Variants in NNT observed in about 807,000 individuals in gnomAD.
The protein encoded by NNT is NAD(P) transhydrogenase, mitochondrial.
NNT carries 50 observed loss-of-function variants against 104.8 expected under a neutral mutation model. The ratio of observed to expected loss-of-function variants is 0.48; its 90% confidence interval spans 0.38 to 0.60. The LOEUF (loss-of-function observed/expected upper bound fraction) is 0.60. Among genes scored for constraint, NNT ranks in the 20% least tolerant of loss-of-function variants. The pLI, the probability that NNT is intolerant of heterozygous loss-of-function variation, is 0.00. For missense variants in NNT, 1,131 were observed against 1,330.7 expected, an observed-to-expected ratio of 0.85 and a Z score of 2.33; for synonymous variants, 461 against 490.4, an observed-to-expected ratio of 0.94 and a Z score of 0.79.
In NNT at chr5:43,621,419, G is replaced by GCTT. The variant is rs2111626368; in HGVS notation, c.687+2301_687+2302insTTC. Among the ~76,000 whole-genome samples the GCTT allele has an allele frequency of 2.0e-5, 3 of 152,294 alleles. No homozygotes were observed. In the South Asian group the frequency reaches 6.2e-4, roughly 32 times the overall value. The stretch of plus-strand genomic sequence containing the variant: ...CAGTTGAAGGCTTATGATATGCGAG[G>GCTT]CATTGTTCTAGGAGCTGGGGATATG... On this transcript the variant is annotated intron_variant, in intron 5 of 21. Transcript: ENST00000344920.
intron 20 of NNT, 117 bp downstream of exon 20, chr5:43,700,354 T>G (rs1742785955): frequency 1.6e-6 from 1 of 636,776 alleles, no homozygotes; most frequent in Non-Finnish European, 2.7e-6. Context: ...AAAAAGAACT[T>G]GTACATGGTA....
chr5:43,666,437 C>G (rs888483952), intron 17 of NNT, among the ~76,000 whole-genome samples: 1 of 152,170 alleles, frequency 6.6e-6, no homozygotes, highest in African/African-American at 2.4e-5. Flanking sequence ...CCAAAAAATA[C>G]GAAAACCAGT....
chr5:43,671,534 G>C (rs201902992), intron 17 of NNT, among the ~76,000 whole-genome samples: 5,127 of 152,040 alleles, frequency 0.034, 136 homozygotes, highest in East Asian at 0.12. Flanking sequence ...ATTTCTCCTT[G>C]ACTTATGAAG....
intron 19 of NNT, among the ~76,000 whole-genome samples, chr5:43,699,115 G>A (rs1396715124): frequency 6.6e-6 from 1 of 151,996 alleles, no homozygotes; most frequent in African/African-American, 2.4e-5. Context: ...TGGGCAAGAG[G>A]TTGGATTAAA....
At chr5:43,609,045 C>T in intron 1 of NNT, 98 bp from the exon 2 acceptor site, 1 of 556,670 alleles carries the variant, frequency 1.8e-6, no homozygotes, top group East Asian at 3.0e-5. Flanking sequence ...TGTTATATTT[C>T]AAGCTCTTTA....
Position 43,609,356 on chromosome 5 carries a change from C to T in NNT, c.151+10C>T, listed in dbSNP as rs996792396. The T allele has an allele frequency of 3.7e-6, 6 of 1,612,560 alleles. No individual in the cohort carries two copies. The East Asian group carries it at 6.7e-5, about 18-fold the overall frequency. On this transcript the variant is annotated intron_variant, in intron 2 of 21. Coordinates refer to ENST00000344920, the MANE Select transcript of NNT (RefSeq NM_182977.3). ...GCGCCTGTAAAACCAGGTAAAGTCT[C>T]ACTTCAGTGATTGTAAATGAAACCT...
chr5:43,689,555 G>A (rs1477168888), intron 19 of NNT, among the ~76,000 whole-genome samples: 1 of 152,040 alleles, frequency 6.6e-6, no homozygotes, highest in African/African-American at 2.4e-5. Flanking sequence ...GATCCATCTC[G>A]AGTTGATTTT....
chr5:43,643,582 G>T (rs1751347938), intron 7 of NNT, among the ~76,000 whole-genome samples: 1 of 152,196 alleles, frequency 6.6e-6, no homozygotes, highest in South Asian at 2.1e-4. Context: ...GGGAATAAAA[G>T]TGTATGAGGG....
intron 17 of NNT, among the ~76,000 whole-genome samples, chr5:43,666,118 CG>C (rs993500705): frequency 9.4e-5 from 14 of 149,446 alleles, no homozygotes; most frequent in African/African-American, 3.5e-4. Flanking sequence ...ACTGGGCGGC[CG>C]GGCAGAGGGG....
intron 6 of NNT, among the ~76,000 whole-genome samples, chr5:43,624,440 T>C (rs187053294): frequency 1.9e-3 from 285 of 152,270 alleles, no homozygotes; most frequent in Non-Finnish European, 1.6e-3. Context: ...ACAAAGATGT[T>C]TGTGAATCTG....
At chr5:43,669,042 A>C (rs1385040106) in intron 17 of NNT, among the ~76,000 whole-genome samples, 2 of 152,130 alleles carry the variant, frequency 1.3e-5, no homozygotes, top group East Asian at 1.9e-4. Flanking sequence ...CTTTGAAGCA[A>C]TTGTGAATGG....
chr5:43,645,215 G>A, intron 9 of NNT, 142 bp from the exon 10 acceptor site: 1 of 422,092 alleles, frequency 2.4e-6, no homozygotes, highest in Non-Finnish European at 4.0e-6. Context: ...TATGTAAAAT[G>A]ATGTTACAAA....
At chr5:43,702,013 G>A (rs2112257450) in intron 20 of NNT, among the ~76,000 whole-genome samples, 1 of 152,054 alleles carries the variant, frequency 6.6e-6, no homozygotes, top group African/African-American at 2.4e-5. Context: ...TTAGAACTCT[G>A]TCCAATGCAT....
In NNT at chr5:43,628,378, C is replaced by G. The variant is rs774990317; in HGVS notation, c.955C>G (p.Leu319Val). The change falls in exon 7 of 22, where the codon CTT (leucine) becomes GTT (valine). Residue 319 changes from leucine (L) to valine (V), a missense_variant. Coordinates refer to ENST00000344920, the MANE Select transcript of NNT (RefSeq NM_182977.3). ...GGTAGACATCCTTATCAGCACAGCA[C>G]TTATTCCAGGTATGCCATTAAGTAA... ...KEVDILISTA[L>V]IPGKKAPVLF... 6.3e-7 allele frequency: 1 copy of G among 1,596,428 alleles called. No homozygotes were observed. The highest frequency in any genetic ancestry group is 1.4e-5 in the African/African-American group (1 of 73,852).
chr5:43,700,493 T>A (rs542961242), intron 20 of NNT, among the ~76,000 whole-genome samples: 17 of 152,326 alleles, frequency 1.1e-4, no homozygotes, highest in African/African-American at 3.6e-4. Context: ...GTGTGTAGTA[T>A]AGAAATGTTG....
chr5:43,701,696 A>G lies in NNT; in HGVS notation c.2996-925A>G, dbSNP rs568878168. 2.8e-4 allele frequency among the ~76,000 whole-genome samples: 43 copies of G among 152,318 alleles called. 2 individuals carry two copies. In the South Asian group the frequency reaches 8.5e-3, roughly 30 times the overall value. ...TGAACTAATTTACATTTCTACAAAC[A>G]GCGTGTAAATGTTCCATTTTCTCCA... is the stretch of plus-strand genomic sequence containing the variant. On this transcript the variant is annotated intron_variant, in intron 20 of 21. Transcript: ENST00000344920.
In NNT at chr5:43,704,974, C is replaced by T. The variant is rs1752263415; in HGVS notation, c.*570C>T. On this transcript the variant is annotated 3_prime_UTR_variant, in exon 22 of 22. Transcript: ENST00000344920. Reference sequence around the variant, plus strand: ...CTTCAGAGTCTATATTTCAAGGGCACATTTTCTCACTACTATTTTAATACA... The same window carrying T: ...CTTCAGAGTCTATATTTCAAGGGCATATTTTCTCACTACTATTTTAATACA... 6.6e-6 allele frequency: 1 copy of T among 152,192 alleles called. No individual in the cohort carries two copies. The highest frequency in any genetic ancestry group is 2.1e-4 in the South Asian group (1 of 4,830). 9.4% of individuals were successfully genotyped at this position (152,192 alleles called of 1,614,324 possible).
chr5:43,627,951 C>T (rs555680526), intron 6 of NNT, among the ~76,000 whole-genome samples: 2 of 152,146 alleles, frequency 1.3e-5, no homozygotes, highest in South Asian at 2.1e-4. Flanking sequence ...ATTGTGAAAT[C>T]GCTTTTGCAA....
chr5:43,650,670 T>C, intron 12 of NNT, 83 bp downstream of exon 12: 3 of 1,023,464 alleles, frequency 2.9e-6, no homozygotes, highest in Admixed American at 2.0e-5. Context: ...ATAGACATAA[T>C]TGTGCCTTCA....
Sources: gnomAD v4.1 joint callset for allele counts (sites outside exome capture counted in the v4.1 genomes callset) on GRCh38, gnomAD v4.1.1 for gene constraint, MANE v1.5 for transcripts, NCBI Gene and HGNC (gene_info 2026-07-23, HGNC 2026-07-21) for gene names.